The following SPATA1 variants were observed in gnomAD, a reference collection of about 807,000 sequenced individuals.
The protein encoded by SPATA1 is spermatogenesis associated 1, also known as spermatogenesis-associated protein 1.
A neutral mutation model predicts 59.6 loss-of-function variants in SPATA1; 57 were observed. The ratio of observed to expected loss-of-function variants is 0.96; its 90% CI spans 0.77 to 1.19. The LOEUF is 1.19. SPATA1 is among the 50% of genes most tolerant of loss of function. SPATA1 has a pLI of 0.00. For synonymous variants in SPATA1, 147 were observed against 163.9 expected (o/e 0.90, Z 0.79); for missense variants, 448 against 480.7 (o/e 0.93, Z 0.64).
chr1:84,533,674 T>G, intron 7 of SPATA1, 35 bp from the exon 8 acceptor site: 1 of 1,464,984 alleles, frequency 6.8e-7, no homozygotes, highest in Non-Finnish European at 9.3e-7. Flanking sequence ...TGGGATCATG[T>G]TTTAATGACT....
chr1:84,529,332 A>C (rs1222756143), intron 6 of SPATA1, among the ~76,000 whole-genome samples: 3 of 151,916 alleles, frequency 2.0e-5, no homozygotes, highest in African/African-American at 7.3e-5. Flanking sequence ...TTTTAGGACA[A>C]GGATTTATTG....
chr1:84,550,902 A>T (rs1179347188), intron 12 of SPATA1: 8 of 977,434 alleles, frequency 8.2e-6, no homozygotes, highest in Non-Finnish European at 9.7e-6. Context: ...TTTTATGGGT[A>T]ATCGTTTCAT....
intron 1 of SPATA1, among the ~76,000 whole-genome samples, chr1:84,515,582 T>G (rs1230813046): frequency 6.6e-6 from 1 of 152,190 alleles, no homozygotes; most frequent in Non-Finnish European, 1.5e-5. Flanking sequence ...TGATAATTCC[T>G]GTTAGAGTAA....
chr1:84,563,873 A>G lies in SPATA1; in HGVS notation n.443-1988A>G, dbSNP rs553181274. 16 of 1,585,444 alleles carry G rather than the reference A, an allele frequency of 1.0e-5. No homozygotes were observed. In the African/African-American group the frequency reaches 1.6e-4, roughly 16 times the overall value. On this transcript the variant is annotated intron_variant and non_coding_transcript_variant, in intron 4 of 4. Coordinates refer to the SPATA1 transcript ENST00000460286. ...AGAAAAAGCATATTTGTTTCTCTTC[A>G]TATGTCAATGTGTTCATACAAGCTA...
At chr1:84,549,310 C>A (rs745551436) in intron 11 of SPATA1, among the ~76,000 whole-genome samples, 3 of 152,118 alleles carry the variant, frequency 2.0e-5, no homozygotes, top group Non-Finnish European at 4.4e-5. Context: ...ATATATAAAT[C>A]TTTCCCTTTA....
Position 84,533,772 on chromosome 1 carries a change from A to G in SPATA1, c.717+6A>G, listed in dbSNP as rs1420006769. On this transcript the variant is annotated splice_donor_region_variant and intron_variant, in intron 8 of 12. Transcript: ENST00000490879. ...GTAGAAGACAGGACAATCAGGTACT[A>G]TTTAAAATTTTTTGTTTAAACATGG... The G allele has an allele frequency of 6.5e-7, 1 of 1,544,212 alleles. No individual in the cohort carries two copies. The highest frequency in any genetic ancestry group is 8.8e-7 in the Non-Finnish European group (1 of 1,142,418).
intron 4 of SPATA1, among the ~76,000 whole-genome samples, chr1:84,560,892 T>G (rs1477063153): frequency 6.6e-6 from 1 of 152,210 alleles, no homozygotes; most frequent in Non-Finnish European, 1.5e-5. Flanking sequence ...AAAAGAGATT[T>G]CTTTCAAAAT....
chr1:84,551,036 C>G, intron 12 of SPATA1: 1 of 985,208 alleles, frequency 1.0e-6, no homozygotes, highest in African/African-American at 1.7e-5. Context: ...CCCATGGGAC[C>G]TTTTGTATAG....
intron 8 of SPATA1, among the ~76,000 whole-genome samples, chr1:84,535,290 AT>A (rs947281896): frequency 4.0e-5 from 6 of 151,598 alleles, no homozygotes; most frequent in African/African-American, 1.5e-4. Flanking sequence ...TTCCAAGTCA[AT>A]TTTTTTTCAA....
At chr1:84,552,498 A>G (rs1387952837) in intron 12 of SPATA1, 1 of 152,174 alleles carries the variant, frequency 6.6e-6, no homozygotes, top group Non-Finnish European at 1.5e-5. Flanking sequence ...TAGCCTCTAA[A>G]GGTCTCCATT....
chr1:84,550,021 G>T (rs1171243330), intron 11 of SPATA1: 1 of 151,768 alleles, frequency 6.6e-6, no homozygotes, highest in Non-Finnish European at 1.5e-5. Context: ...AAACCAAAAA[G>T]TCTTCTTATT....
intron 2 of SPATA1, among the ~76,000 whole-genome samples, chr1:84,516,849 G>A (rs867847886): frequency 3.3e-5 from 5 of 152,040 alleles, no homozygotes; most frequent in African/African-American, 1.2e-4. Context: ...GTATACCATC[G>A]TAAGTACCAT....
At position 84,525,266 on chromosome 1, in the gene SPATA1, C is replaced by A; in HGVS notation, c.262-430C>A. ...ACAGGCGTGAGTCACCACGCCCAGT[C>A]CCCCAATATTTGTTAAATAAATAGA... On this transcript the variant is annotated intron_variant, in intron 4 of 12. Transcript: ENST00000490879. Among the ~76,000 whole-genome samples the A allele has an allele frequency of 2.6e-5, 4 of 152,270 alleles. 1 individual carries two copies. Among genetic ancestry groups the A allele is most frequent in the Admixed American group, 2.6e-4 (4 of 15,292 alleles).
intron 2 of SPATA1, among the ~76,000 whole-genome samples, chr1:84,519,059 C>A (rs1682910616): frequency 6.6e-6 from 1 of 151,866 alleles, no homozygotes; most frequent in African/African-American, 2.4e-5. Flanking sequence ...AAATGAGGTA[C>A]TTGCCACAGA....
At chr1:84,519,125 A>C (rs1391693756) in intron 2 of SPATA1, among the ~76,000 whole-genome samples, 1 of 152,074 alleles carries the variant, frequency 6.6e-6, no homozygotes, top group African/African-American at 2.4e-5. Context: ...TGCAAAAAAA[A>C]TCCATGATGA....
intron 6 of SPATA1, among the ~76,000 whole-genome samples, chr1:84,529,165 A>C (rs192816156): frequency 6.6e-6 from 1 of 152,142 alleles, no homozygotes; most frequent in Non-Finnish European, 1.5e-5. Context: ...ATTGGATATC[A>C]TATGTGAAAC....
downstream of SPATA1, chr1:84,555,063 G>A (rs1421022200): frequency 6.2e-7 from 1 of 1,613,804 alleles, no homozygotes; most frequent in Non-Finnish European, 8.5e-7. Context: ...TTTGGCTACA[G>A]CATCTCCAGA....
intron 4 of SPATA1, among the ~76,000 whole-genome samples, chr1:84,525,153 G>C (rs1683164982): frequency 6.6e-6 from 1 of 152,150 alleles, no homozygotes; most frequent in Non-Finnish European, 1.5e-5. Flanking sequence ...TTTTAGTAGA[G>C]ATGGGGTTTC....
chr1:84,542,056 A>G (rs11164004), intron 8 of SPATA1, among the ~76,000 whole-genome samples: 27,293 of 151,758 alleles, frequency 0.18, 2,738 homozygotes, highest in South Asian at 0.3. Context: ...TGCAACCTCC[A>G]TCTCCCAGGT....
Sources: allele counts gnomAD v4.1 joint callset (sites outside exome capture counted in the v4.1 genomes callset), GRCh38; gene constraint gnomAD v4.1.1; transcripts MANE v1.5; gene names NCBI Gene and HGNC (gene_info 2026-07-23, HGNC 2026-07-21).